Variants in SEPTIN9 observed in about 807,000 individuals in gnomAD.
SEPTIN9 encodes the protein septin 9, also known as septin-9.
Under a neutral mutation model 56.6 loss-of-function variants are expected in SEPTIN9, and 13 were observed. The ratio of observed to expected loss-of-function variants is 0.23; its 90% CI spans 0.15 to 0.37. SEPTIN9 has a LOEUF of 0.37. SEPTIN9 is among the 10% of genes least tolerant of loss of function. SEPTIN9 has a pLI of 1.00. For missense variants in SEPTIN9, 650 were observed against 823.1 expected (o/e 0.79, Z 2.57); for synonymous variants, 332 against 334.1 (o/e 0.99, Z 0.07).
chr17:77,457,342 T>G (rs1379966558), intron 3 of SEPTIN9, among the ~76,000 whole-genome samples: 1 of 152,130 alleles, frequency 6.6e-6, no homozygotes, highest in Non-Finnish European at 1.5e-5. Context: ...CCTCGGGACC[T>G]CACCTTGGGC....
chr17:77,474,735 T>G (rs2039138858), intron 3 of SEPTIN9, among the ~76,000 whole-genome samples: 1 of 152,188 alleles, frequency 6.6e-6, no homozygotes, highest in East Asian at 1.9e-4. Flanking sequence ...TACCGCTTAC[T>G]CGCTTTGCGA....
At chr17:77,362,721 G>A (rs539744223) in intron 2 of SEPTIN9, among the ~76,000 whole-genome samples, 9 of 152,292 alleles carry the variant, frequency 5.9e-5, no homozygotes, top group South Asian at 2.1e-4. Context: ...CAACACGTTC[G>A]TCACACGCTT....
intron 2 of SEPTIN9, among the ~76,000 whole-genome samples, chr17:77,343,954 G>C (rs140191717): frequency 6.6e-6 from 1 of 152,312 alleles, no homozygotes; most frequent in African/African-American, 2.4e-5. Context: ...GGAAAGCTTC[G>C]TGACATTGGA....
chr17:77,378,900 A>G (rs1311442575), intron 2 of SEPTIN9, among the ~76,000 whole-genome samples: 3 of 151,842 alleles, frequency 2.0e-5, no homozygotes, highest in African/African-American at 7.3e-5. Context: ...TGCAGGGCCA[A>G]GCGCTGACAA....
intron 3 of SEPTIN9, among the ~76,000 whole-genome samples, chr17:77,480,430 G>C (rs1568105995): frequency 6.6e-6 from 1 of 152,230 alleles, no homozygotes; most frequent in Non-Finnish European, 1.5e-5. Flanking sequence ...GCTGCAGCCA[G>C]GGGGCTCAGT....
intron 3 of SEPTIN9, among the ~76,000 whole-genome samples, chr17:77,481,262 C>T (rs1232263662): frequency 2.0e-5 from 3 of 152,218 alleles, no homozygotes; most frequent in Admixed American, 1.3e-4. Flanking sequence ...TTAGTGATTT[C>T]GGGAAGTTCA....
intron 1 of SEPTIN9, among the ~76,000 whole-genome samples, chr17:77,302,703 G>A (rs1472308905): frequency 6.6e-6 from 1 of 152,088 alleles, no homozygotes; most frequent in Non-Finnish European, 1.5e-5. Flanking sequence ...AGGGAGAGAA[G>A]CCTCTGGGCT....
chr17:77,385,906 C>T (rs178249), intron 2 of SEPTIN9, among the ~76,000 whole-genome samples: 98,991 of 152,102 alleles, frequency 0.65, 32,363 homozygotes, highest in Non-Finnish European at 0.68. Context: ...CCTTTGGAAA[C>T]TGCTGGCCCG....
rs898951451 is a variant in SEPTIN9, at chr17:77,327,076, G to GA, written c.76+19889dup. On this transcript the variant is annotated intron_variant, in intron 2 of 11. Transcript: ENST00000427177. This position sits in a 1 kb window ranked among gnomAD's most constrained non-coding sequence, Gnocchi z 5.0. ...ATGAGCCCCAGGAACATGTGTAAAA[G>GA]AAAAAAAAAAGAATAAACCATAGCT... 5.4e-5 allele frequency among the ~76,000 whole-genome samples: 8 copies of GA among 147,584 alleles called. No individual in the cohort carries two copies. Among genetic ancestry groups the GA allele is most frequent in the South Asian group, 2.1e-4 (1 of 4,678 alleles).
At position 77,428,410 on chromosome 17, in the gene SEPTIN9, G is replaced by A. The variant is rs373231885; in HGVS notation, c.721+25707G>A. On this transcript the variant is annotated intron_variant, in intron 3 of 11. Coordinates refer to ENST00000427177, the MANE Select transcript of SEPTIN9 (RefSeq NM_001113491.2). ...TGACAGGTGGACACTGTACCTACTG[G>A]CAGATCAGCTGACCTTGGTGCCTTC... 4.7e-4 allele frequency among the ~76,000 whole-genome samples: 72 copies of A among 152,296 alleles called. 1 individual carries two copies. In the Middle Eastern group the frequency reaches 0.01, roughly 22 times the overall value.
At chr17:77,316,083 C>T (rs142243353) in intron 2 of SEPTIN9, among the ~76,000 whole-genome samples, 12 of 152,208 alleles carry the variant, frequency 7.9e-5, no homozygotes, top group East Asian at 5.8e-4. Context: ...TTACTCAGTG[C>T]GTTTAGTATG....
At chr17:77,496,797 C>T (rs1219247647) in intron 10 of SEPTIN9, among the ~76,000 whole-genome samples, 4 of 152,226 alleles carry the variant, frequency 2.6e-5, no homozygotes, top group African/African-American at 9.6e-5. Flanking sequence ...TGTGTGTGTG[C>T]TCTGAGCGCA....
intron 4 of SEPTIN9, among the ~76,000 whole-genome samples, chr17:77,484,541 GTGA>G (rs1568111120): frequency 2.0e-5 from 3 of 148,156 alleles, no homozygotes; most frequent in Admixed American, 2.0e-4. Flanking sequence ...GGTGGTGGTG[GTGA>G]TGGTGGTGAT....
intron 2 of SEPTIN9, chr17:77,320,253 C>T (rs998796385): frequency 7.4e-6 from 12 of 1,611,164 alleles, no homozygotes; most frequent in South Asian, 2.2e-5. Context: ...GGGAGGGCGA[C>T]GGGGGTGAGA....
In SEPTIN9 at chr17:77,286,062, C is replaced by T. The variant is rs1224109263; in HGVS notation, c.19+4508C>T. 3.3e-5 allele frequency among the ~76,000 whole-genome samples: 5 copies of T among 152,386 alleles called. No homozygotes were observed. In the East Asian group the frequency reaches 9.6e-4, roughly 29 times the overall value. Reference sequence around the variant, plus strand: ...TCGCTGCCTCTTGCCTCCTCACGTCCAAGCTTGTCTGCTCTGGCGCATTCA... The same window carrying T: ...TCGCTGCCTCTTGCCTCCTCACGTCTAAGCTTGTCTGCTCTGGCGCATTCA... On this transcript the variant is annotated intron_variant, in intron 1 of 11. Coordinates refer to ENST00000427177, the MANE Select transcript of SEPTIN9 (RefSeq NM_001113491.2).
chr17:77,283,496 C>T (rs910976800), intron 1 of SEPTIN9, among the ~76,000 whole-genome samples: 3 of 128,402 alleles, frequency 2.3e-5, no homozygotes, highest in African/African-American at 8.5e-5. Flanking sequence ...TACGGGCACT[C>T]GCAGGAGTCA....
Position 77,500,554 on chromosome 17 carries a change from A to G in SEPTIN9, c.*1896A>G, listed in dbSNP as rs189204974. The G allele has an allele frequency of 3.8e-4, 75 of 195,496 alleles. No homozygotes were observed. The East Asian group carries it at 5.7e-3, about 15-fold the overall frequency. The allele number at this position is 195,496 out of a possible 1,614,324, so 12.1% of individuals were successfully genotyped here. A position where few individuals can be genotyped will look rare whatever the true frequency, so the allele number is the denominator to read the frequency against. On this transcript the variant is annotated 3_prime_UTR_variant, in exon 12 of 12. Coordinates refer to ENST00000427177, the MANE Select transcript of SEPTIN9 (RefSeq NM_001113491.2). Reference sequence around the variant, plus strand: ...TTGTATAAATGACAAAGTGTTGAAAATGTATTTCCTGAAATAAATGTTTCA... The same window carrying G: ...TTGTATAAATGACAAAGTGTTGAAAGTGTATTTCCTGAAATAAATGTTTCA...
chr17:77,448,803 A>G (rs1463955870), intron 3 of SEPTIN9, among the ~76,000 whole-genome samples: 5 of 150,520 alleles, frequency 3.3e-5, no homozygotes, highest in African/African-American at 4.9e-5. Flanking sequence ...TTTTTTTTAA[A>G]TATGGGGTCT....
chr17:77,318,341 C>T lies in SEPTIN9; in HGVS notation c.76+11144C>T, dbSNP rs139484204. 2.6e-3 allele frequency among the ~76,000 whole-genome samples: 400 copies of T among 152,118 alleles called. 2 individuals carry two copies. The highest frequency in any genetic ancestry group is 8.7e-3 in the African/African-American group (360 of 41,468). ...TCTGTGTCAAATCTCCCTCTGCCCC[C>T]GTCTTGTATGAGCACCGAGACTGCC... On this transcript the variant is annotated intron_variant, in intron 2 of 11. Coordinates refer to ENST00000427177, the MANE Select transcript of SEPTIN9 (RefSeq NM_001113491.2). This position sits in a 1 kb window ranked among gnomAD's most constrained non-coding sequence, Gnocchi z 4.9.
Sources: allele counts gnomAD v4.1 joint callset (sites outside exome capture counted in the v4.1 genomes callset), GRCh38; gene constraint gnomAD v4.1.1; non-coding constraint Gnocchi (gnomAD v3.1); transcripts MANE v1.5; gene names NCBI Gene and HGNC (gene_info 2026-07-23, HGNC 2026-07-21).